Variants in MACROD2 observed in about 807,000 individuals in gnomAD.
MACROD2 encodes the protein ADP-ribose glycohydrolase MACROD2.
MACROD2 carries 36 observed loss-of-function variants against 70.4 expected under a neutral mutation model. The observed-to-expected ratio is 0.51, with a 90% CI of 0.39 to 0.68. The LOEUF (loss-of-function observed/expected upper bound fraction) is 0.68, where lower values mean the gene tolerates loss of function less well. Ranked by LOEUF, MACROD2 falls within the 30% of genes least tolerant of loss-of-function variation. The pLI, the probability that MACROD2 is intolerant of heterozygous loss-of-function variation, is 0.00. For missense variants in MACROD2, 496 were observed against 538.4 expected (o/e 0.92, Z 0.78); for synonymous variants, 172 against 178.8 (o/e 0.96, Z 0.30).
chr20:14,285,787 T>G lies in MACROD2; in HGVS notation c.271+200059T>G, dbSNP rs550031764. Among the ~76,000 whole-genome samples the G allele has an allele frequency of 1.3e-3, 204 of 152,184 alleles. 2 individuals are homozygous for G. Among genetic ancestry groups the G allele is most frequent in the East Asian group, 1.2e-3 (6 of 5,170 alleles). On this transcript the variant is annotated intron_variant, in intron 3 of 17. Transcript: ENST00000684519. ...AGATTGTGTTGAGACCATTAACAATTATATTTTCTCATTCAGTCCCTCTCC... is the reference window on the plus strand; with the variant it reads ...AGATTGTGTTGAGACCATTAACAATGATATTTTCTCATTCAGTCCCTCTCC...
chr20:14,066,972 C>T (rs867062654), intron 2 of MACROD2, among the ~76,000 whole-genome samples: 7 of 151,314 alleles, frequency 4.6e-5, no homozygotes, highest in Middle Eastern at 3.2e-3. Context: ...CCACCACGCC[C>T]GGCTAAGTTG....
chr20:14,022,667 T>C (rs572153425), intron 2 of MACROD2, among the ~76,000 whole-genome samples: 1 of 152,246 alleles, frequency 6.6e-6, no homozygotes, highest in South Asian at 2.1e-4. Flanking sequence ...ATTTTTCAAC[T>C]TCCACTTATG....
At chr20:14,324,229 G>A (rs1228276299) in intron 3 of MACROD2, 2 of 152,296 alleles carry the variant, frequency 1.3e-5, no homozygotes, top group African/African-American at 2.4e-5. Flanking sequence ...TACATGTAGC[G>A]TTGGATCAAG....
At chr20:14,148,803 C>CA (rs534919606) in intron 3 of MACROD2, among the ~76,000 whole-genome samples, 535 of 152,290 alleles carry the variant, frequency 3.5e-3, no homozygotes, top group Non-Finnish European at 6.1e-3. Context: ...CACAATCCAG[C>CA]AAATACTTTT....
intron 3 of MACROD2, among the ~76,000 whole-genome samples, chr20:14,317,768 C>G (rs2082626091): frequency 6.6e-6 from 1 of 152,134 alleles, no homozygotes; most frequent in Non-Finnish European, 1.5e-5. Context: ...TAACAAATCT[C>G]TATGACCTTT....
intron 7 of MACROD2, among the ~76,000 whole-genome samples, chr20:15,460,994 A>ATG (rs2046803400): frequency 1.2e-5 from 1 of 80,550 alleles, no homozygotes; most frequent in Non-Finnish European, 2.6e-5. Flanking sequence ...ATATATATAT[A>ATG]TATATATATA....
intron 4 of MACROD2, among the ~76,000 whole-genome samples, chr20:14,515,965 A>G (rs1438408634): frequency 6.8e-6 from 1 of 147,812 alleles, no homozygotes; most frequent in Non-Finnish European, 1.5e-5. Flanking sequence ...TATATTATAT[A>G]ATATATTTTA....
chr20:15,477,697 C>T (rs528564804), intron 7 of MACROD2, among the ~76,000 whole-genome samples: 11 of 152,150 alleles, frequency 7.2e-5, no homozygotes, highest in East Asian at 1.9e-4. Flanking sequence ...AAAAGAGGTC[C>T]GCGTCCTAGT....
At chr20:14,975,471 G>T (rs1469255449) in intron 5 of MACROD2, among the ~76,000 whole-genome samples, 1 of 152,152 alleles carries the variant, frequency 6.6e-6, no homozygotes, top group East Asian at 1.9e-4. Context: ...GCAGCAGAGG[G>T]AAGGCGCAGG....
At chr20:15,753,224 G>A (rs2051299128) in intron 8 of MACROD2, among the ~76,000 whole-genome samples, 1 of 152,184 alleles carries the variant, frequency 6.6e-6, no homozygotes, top group African/African-American at 2.4e-5. Context: ...AATTGATCCT[G>A]TCATCCAAAT....
In MACROD2 at chr20:15,126,111, C is replaced by CT. The variant is rs5840654; in HGVS notation, c.419-103808dup. ...TTGTTGGACATTTGGATTGTTTCAA[C>CT]TTTTTTTTTTTTTTTTTTTTTGCTC... is the stretch of plus-strand genomic sequence containing the variant. On this transcript the variant is annotated intron_variant, in intron 5 of 17. Coordinates refer to ENST00000684519, the MANE Select transcript of MACROD2 (RefSeq NM_001351661.2). 1.8e-3 allele frequency among the ~76,000 whole-genome samples: 173 copies of CT among 98,778 alleles called. 3 individuals carry two copies. The highest frequency in any genetic ancestry group is 2.5e-3 in the Non-Finnish European group (128 of 51,120). The allele number at this position is 98,778 out of a possible 152,430, so 64.8% of individuals were successfully genotyped here.
At chr20:14,800,709 A>T (rs191244737) in intron 5 of MACROD2, among the ~76,000 whole-genome samples, 1 of 152,114 alleles carries the variant, frequency 6.6e-6, no homozygotes, top group East Asian at 1.9e-4. Flanking sequence ...GAACTTGTGA[A>T]CTCCTTTCTG....
intron 5 of MACROD2, among the ~76,000 whole-genome samples, chr20:14,880,366 A>G (rs1404160330): frequency 6.6e-6 from 1 of 152,190 alleles, no homozygotes; most frequent in Non-Finnish European, 1.5e-5. Context: ...TTACATTCTC[A>G]ACTTCCATGG....
chr20:14,154,523 C>G (rs1258272811), intron 3 of MACROD2, among the ~76,000 whole-genome samples: 16 of 148,394 alleles, frequency 1.1e-4, no homozygotes, highest in African/African-American at 3.5e-4. Context: ...GTAGCTGGGA[C>G]GACAGGCTCC....
intron 5 of MACROD2, among the ~76,000 whole-genome samples, chr20:15,170,963 T>A (rs2076418163): frequency 6.6e-6 from 1 of 152,040 alleles, no homozygotes; most frequent in Non-Finnish European, 1.5e-5. Context: ...GGGTGGAAAG[T>A]TTTACTCAGT....
intron 3 of MACROD2, among the ~76,000 whole-genome samples, chr20:14,472,787 A>G (rs2084544884): frequency 6.6e-6 from 1 of 152,148 alleles, no homozygotes; most frequent in Admixed American, 6.6e-5. Context: ...GCTTATAGCA[A>G]TCATGAAATG....
chr20:15,907,757 C>A (rs534023949), intron 10 of MACROD2, among the ~76,000 whole-genome samples: 87 of 152,252 alleles, frequency 5.7e-4, no homozygotes, highest in African/African-American at 2.0e-3. Flanking sequence ...TCATAACTGC[C>A]ATCTGTTCCT....
intron 1 of MACROD2, among the ~76,000 whole-genome samples, chr20:13,997,935 T>A (rs1601093183): frequency 6.6e-6 from 1 of 152,248 alleles, no homozygotes; most frequent in Middle Eastern, 3.4e-3. Context: ...ATGCATGACC[T>A]TTTTCCTTTC....
At chr20:14,853,944 A>G (rs1236496314) in intron 5 of MACROD2, among the ~76,000 whole-genome samples, 2 of 152,058 alleles carry the variant, frequency 1.3e-5, no homozygotes, top group Non-Finnish European at 1.5e-5. Flanking sequence ...CTCCAAGTGT[A>G]TTTTAGTTAG....
Sources: gnomAD v4.1 joint callset for allele counts (sites outside exome capture counted in the v4.1 genomes callset) on GRCh38, gnomAD v4.1.1 for gene constraint, MANE v1.5 for transcripts, NCBI Gene and HGNC (gene_info 2026-07-23, HGNC 2026-07-21) for gene names.